The following AGRN variants were observed in gnomAD, a reference collection of about 807,000 sequenced individuals.
The protein encoded by AGRN is agrin, also known as agrin proteoglycan.
AGRN carries 106 observed loss-of-function variants against 211.0 expected under a neutral mutation model. That is an observed-to-expected ratio of 0.50 (90% confidence interval 0.43 to 0.59). AGRN has a LOEUF of 0.59. Among genes scored for constraint, AGRN ranks in the 20% least tolerant of loss-of-function variants. The pLI, the probability that AGRN is intolerant of heterozygous loss-of-function variation, is 0.00. For missense variants in AGRN, 3,040 were observed against 2,982.6 expected (o/e 1.02, Z -0.45); for synonymous variants, 1,525 against 1,332.5 (o/e 1.14, Z -3.15).
At position 1,055,234 on chromosome 1, in the gene AGRN, G is replaced by A; in HGVS notation, c.*253G>A. The A allele has an allele frequency of 1.7e-6, 1 of 576,954 alleles. No homozygotes were observed. The highest frequency in any genetic ancestry group is 1.9e-5 in the South Asian group (1 of 52,678). 35.7% of individuals were successfully genotyped at this position (576,954 alleles called of 1,614,324 possible). A position where few individuals can be genotyped will look rare whatever the true frequency, so the allele number is the denominator to read the frequency against. ...CCTCAAGGTGCTGAGCCCCCGCCTT[G>A]CACTGCGCCTGCCCCACGGTGTCCC... is the stretch of plus-strand genomic sequence containing the variant. On this transcript the variant is annotated 3_prime_UTR_variant, in exon 36 of 36. Transcript: ENST00000379370.
rs532053754 is a variant in AGRN at position 1,029,213 on chromosome 1, C to T, written c.464-6064C>T. ...GGCCCCAACCCCCACCTTCTGAGGG[C>T]AGGATAAGTACCTGCGGGTGCCCAA... On this transcript the variant is annotated intron_variant, in intron 2 of 35. Coordinates refer to ENST00000379370, the MANE Select transcript of AGRN (RefSeq NM_198576.4). Among the ~76,000 whole-genome samples the T allele has an allele frequency of 2.8e-4, 42 of 152,318 alleles. No homozygotes were observed. The South Asian group carries it at 7.5e-3, about 27-fold the overall frequency.
chr1:1,037,535 C>T (rs1050058848), intron 3 of AGRN, among the ~76,000 whole-genome samples: 2 of 152,230 alleles, frequency 1.3e-5, no homozygotes, highest in African/African-American at 4.8e-5. Flanking sequence ...AGCACTGCCG[C>T]CTCCAGCGTT....
At chr1:1,054,734 G>T (rs963299826) in intron 35 of AGRN, 90 bp from the exon 36 acceptor site, 7 of 1,513,542 alleles carry the variant, frequency 4.6e-6, no homozygotes, top group African/African-American at 1.4e-5. Context: ...GGGTGCCCAG[G>T]TGTGGGCCCC....
At chr1:1,034,488 G>A (rs1644752725) in intron 2 of AGRN, 1 of 985,704 alleles carries the variant, frequency 1.0e-6, no homozygotes, top group Non-Finnish European at 1.2e-6. Context: ...GCCCTGAAGA[G>A]GCCCAAGGGC....
In AGRN at chr1:1,047,956, C is replaced by T. The variant is rs1645148855; in HGVS notation, c.3752-56C>T. 6 of 1,578,044 alleles carry T rather than the reference C, an allele frequency of 3.8e-6. No individual in the cohort carries two copies. In the East Asian group the frequency reaches 1.4e-4, roughly 37 times the overall value. ...CCCTCCTCTGCCCATGCCCCTGCCC[C>T]TCACCCCTTCCTGGCCCTGCTCCCA... On this transcript the variant is annotated intron_variant, in intron 22 of 35. Coordinates refer to ENST00000379370, the MANE Select transcript of AGRN (RefSeq NM_198576.4).
In AGRN at chr1:1,046,957, G is replaced by A. The variant is rs762884989; in HGVS notation, c.3388G>A (p.Ala1130Thr). The A allele has an allele frequency of 3.8e-6, 6 of 1,577,752 alleles. No individual in the cohort carries two copies. In the Admixed American group the frequency reaches 5.5e-5, roughly 15 times the overall value. Residue 1130 changes from alanine to threonine, a missense_variant and splice_region_variant, in exon 19 of 36, where the codon GCC (alanine) becomes ACC (threonine). Physicochemically the swap from Ala to Thr is moderately conservative, Grantham distance 58. Around this residue, in one of 3 missense-constraint regions of AGRN, gnomAD observed 1,537 missense variants for 1,505.0 expected, o/e 1.02. Transcript: ENST00000379370. ...SLDAEGSNCP[A>T]TKVFQGVLEL... is the part of the protein sequence containing the mutation. Reference sequence around the variant, plus strand: ...GGACGCAGAGGGCTCCAACTGCCCCGGTGAGTGGACGGCTGGGCGAGGGGA... The same window carrying A: ...GGACGCAGAGGGCTCCAACTGCCCCAGTGAGTGGACGGCTGGGCGAGGGGA...
rs2100555461 is a variant in AGRN, at chr1:1,020,237, G to A, written c.65G>A (p.Cys22Tyr). The A allele has an allele frequency of 1.2e-5, 17 of 1,433,406 alleles. No homozygotes were observed. Among genetic ancestry groups the A allele is most frequent in the Non-Finnish European group, 1.6e-5 (17 of 1,093,266 alleles). The allele number at this position is 1,433,406 out of a possible 1,614,324, so 88.8% of individuals were successfully genotyped here. ...CTGCCGCTCCTTGTGGTGGCCGCGT[G>A]CGTCCTGCCCGGAGCCGGCGGGACA... ...PLLPLLVVAA[C>Y]VLPGAGGTCP... Residue 22 changes from cysteine to tyrosine, a missense_variant, in exon 1 of 36, where the codon TGC (cysteine) becomes TAC (tyrosine). Around this residue, in one of 3 missense-constraint regions of AGRN, gnomAD observed 1,498 missense variants for 1,457.8 expected, o/e 1.03. Transcript: ENST00000379370.
chr1:1,054,606 G>T, intron 35 of AGRN, 55 bp downstream of exon 35: 1 of 1,543,152 alleles, frequency 6.5e-7, no homozygotes, highest in South Asian at 1.2e-5. Flanking sequence ...TGATATCCGA[G>T]GGACAGACTC....
chr1:1,041,948 C>A lies in AGRN; in HGVS notation c.1178-8C>A. 6.2e-7 allele frequency: 1 copy of A among 1,611,368 alleles called. No individual in the cohort carries two copies. On this transcript the variant is annotated splice_region_variant and splice_polypyrimidine_tract_variant and intron_variant, in intron 6 of 35. Coordinates refer to ENST00000379370, the MANE Select transcript of AGRN (RefSeq NM_198576.4). ...CCTCTCCGTGACTCCCTCACCCCTG[C>A]GTCCTAGACCAGTGCCCGGAGCCCT...
intron 2 of AGRN, among the ~76,000 whole-genome samples, chr1:1,027,548 C>G (rs1208887469): frequency 1.3e-5 from 2 of 152,254 alleles, no homozygotes; most frequent in African/African-American, 4.8e-5. Flanking sequence ...CCGTGTCTGG[C>G]AAAGGGCCCA....
In AGRN at chr1:1,043,971, C is replaced by T. The variant is rs1645019966; in HGVS notation, c.1947C>T (p.Ala649=). 2 of 1,606,384 alleles carry T rather than the reference C, an allele frequency of 1.2e-6. No homozygotes were observed. Among genetic ancestry groups the T allele is most frequent in the Non-Finnish European group, 8.5e-7 (1 of 1,178,986 alleles). Residue 649 remains alanine (A), a synonymous_variant, in exon 10 of 36, where the codon GCC becomes GCT. Transcript: ENST00000379370. ...YGSACELREA[A]CLQQTQIEEA... is the part of the protein sequence containing the mutation. ...GTGCCTGCGAGCTACGGGAAGCCGCCTGCCTCCAGCAGACACAGATCGAGG... is the reference window on the plus strand; with the variant it reads ...GTGCCTGCGAGCTACGGGAAGCCGCTTGCCTCCAGCAGACACAGATCGAGG...
At position 1,046,035 on chromosome 1, in the gene AGRN, T is replaced by C; in HGVS notation, c.2752T>C (p.Ser918Pro). The C allele has an allele frequency of 1.2e-6, 2 of 1,614,032 alleles. No homozygotes were observed. The highest frequency in any genetic ancestry group is 1.1e-5 in the South Asian group (1 of 91,088). The change falls in exon 16 of 36, where the codon TCA (serine) becomes CCA (proline). Residue 918 changes from serine (S) to proline (P), a missense_variant. By Grantham distance (74) the Ser-to-Pro change is moderately conservative. This residue lies in a region of AGRN where 1,498 missense variants were observed against 1,457.8 expected (regional missense o/e 1.03). Transcript: ENST00000379370. Reference protein sequence around the residue: ...FGARCVEESGSAHCVCPMLTC... With the variant: ...FGARCVEESGPAHCVCPMLTC... Reference sequence around the variant, plus strand: ...TGCGCGGTGCGTGGAGGAGTCTGGCTCAGCCCACTGTGTCTGCCCGATGCT... The same window carrying C: ...TGCGCGGTGCGTGGAGGAGTCTGGCCCAGCCCACTGTGTCTGCCCGATGCT...
rs72900467 is a variant in AGRN at position 1,054,120 on chromosome 1, G to A, written c.5876+143G>A. On this transcript the variant is annotated intron_variant, in intron 34 of 35. Coordinates refer to ENST00000379370, the MANE Select transcript of AGRN (RefSeq NM_198576.4). ...GCCGAGGTCACTGCCAGTGGGAGGA[G>A]GAAGGGCCAAGAAGATGCAGGAGAA... 0.064 allele frequency: 59,169 copies of A among 920,790 alleles called. 2,397 individuals carry two copies. The highest frequency in any genetic ancestry group is 0.17 in the African/African-American group (10,233 of 61,176). 57.0% of individuals were successfully genotyped at this position (920,790 alleles called of 1,614,324 possible).
rs765748676 is a variant in AGRN at position 1,051,219 on chromosome 1, G to C, written c.5254-34G>C. On this transcript the variant is annotated intron_variant, in intron 30 of 35. Coordinates refer to ENST00000379370, the MANE Select transcript of AGRN (RefSeq NM_198576.4). ...GGCCCTGGGTCTGCACCGTGGGTGG[G>C]CTCTGCACAGCCACTTACCTGGCGT... The C allele has an allele frequency of 3.4e-5, 54 of 1,568,632 alleles. No individual in the cohort carries two copies. In the East Asian group the frequency reaches 1.1e-3, roughly 31 times the overall value.
chr1:1,045,071 G>T, intron 12 of AGRN, 90 bp from the exon 13 acceptor site: 2 of 1,403,632 alleles, frequency 1.4e-6, no homozygotes, highest in Admixed American at 1.7e-5. Flanking sequence ...GCTGAGTGGT[G>T]ACAGTGGGGG....
In AGRN at chr1:1,046,973, G is replaced by A. The variant is rs751608650; in HGVS notation, c.3388+16G>A. 2.5e-6 allele frequency: 4 copies of A among 1,568,870 alleles called. No individual in the cohort carries two copies. Among genetic ancestry groups the A allele is most frequent in the African/African-American group, 1.4e-5 (1 of 73,936 alleles). ...AACTGCCCCGGTGAGTGGACGGCTGGGCGAGGGGAGTGTGAGGATAGCCTG... is the reference window on the plus strand; with the variant it reads ...AACTGCCCCGGTGAGTGGACGGCTGAGCGAGGGGAGTGTGAGGATAGCCTG... On this transcript the variant is annotated intron_variant, in intron 19 of 35. Transcript: ENST00000379370.
In AGRN at chr1:1,043,678, G is replaced by C. The variant is rs141661464; in HGVS notation, c.1744G>C (p.Val582Leu). 1.9e-6 allele frequency: 3 copies of C among 1,600,906 alleles called. No individual in the cohort carries two copies. Among genetic ancestry groups the C allele is most frequent in the South Asian group, 1.1e-5 (1 of 91,078 alleles). Residue 582 changes from valine to leucine, a missense_variant, in exon 9 of 36, where the codon GTG becomes CTG. Physicochemically the swap from Val to Leu is conservative, Grantham distance 32. Around this residue, in one of 3 missense-constraint regions of AGRN, gnomAD observed 1,498 missense variants for 1,457.8 expected, o/e 1.03. Transcript: ENST00000379370. The stretch of plus-strand genomic sequence containing the variant: ...GTACCCCAGCGAGTGCATGCTGCAC[G>C]TGCACGCCTGCACACACCAGATCAG... ...HTYPSECMLH[V>L]HACTHQISLH...
intron 2 of AGRN, among the ~76,000 whole-genome samples, chr1:1,028,334 C>A (rs930056064): frequency 5.5e-5 from 8 of 145,184 alleles, no homozygotes; most frequent in South Asian, 2.3e-4. Context: ...CCCCCCCCCC[C>A]CCGCCCTGCA....
intron 2 of AGRN, among the ~76,000 whole-genome samples, chr1:1,027,963 C>T (rs1644556033): frequency 6.6e-6 from 1 of 152,228 alleles, no homozygotes; most frequent in East Asian, 1.9e-4. Flanking sequence ...CCCACGGCCG[C>T]CCCGGCCCAC....
Sources: gnomAD v4.1 joint callset for allele counts (sites outside exome capture counted in the v4.1 genomes callset) on GRCh38, gnomAD v4.1.1 for gene constraint, gnomAD v4.1.1 regional missense constraint, MANE v1.5 for transcripts, NCBI Gene and HGNC (gene_info 2026-07-23, HGNC 2026-07-21) for gene names.